ZBTB7C: variants seen among roughly 807,000 people sequenced by gnomAD.
The protein encoded by ZBTB7C is zinc finger and BTB domain containing 7C, also known as zinc finger and BTB domain-containing protein 7C.
In ZBTB7C, 8 loss-of-function variants were observed where a neutral mutation model predicts 25.7. The ratio of observed to expected loss-of-function variants is 0.31; its 90% CI spans 0.18 to 0.56. The LOEUF is 0.56. ZBTB7C is among the 20% of genes least tolerant of loss of function. The probability of loss-of-function intolerance (pLI) is 0.91; values close to 1 mark genes in which losing one functional copy is unlikely to be tolerated. For synonymous variants in ZBTB7C, 394 were observed against 369.0 expected (o/e 1.07, Z -0.78); for missense variants, 824 against 855.2 (o/e 0.96, Z 0.46).
At chr18:48,136,837 C>G (rs1211739699) in intron 3 of ZBTB7C, among the ~76,000 whole-genome samples, 1 of 152,188 alleles carries the variant, frequency 6.6e-6, no homozygotes, top group African/African-American at 2.4e-5. Flanking sequence ...AGAGCCGCCC[C>G]GCGGCCACCC....
chr18:48,273,560 G>T (rs2044553021), intron 2 of ZBTB7C, among the ~76,000 whole-genome samples: 1 of 152,056 alleles, frequency 6.6e-6, no homozygotes, highest in Non-Finnish European at 1.5e-5. Context: ...CTACATAATA[G>T]TTATTATATT....
intron 3 of ZBTB7C, among the ~76,000 whole-genome samples, chr18:48,107,659 G>T (rs750983645): frequency 1.3e-5 from 2 of 152,108 alleles, no homozygotes; most frequent in Non-Finnish European, 2.9e-5. Flanking sequence ...GGGCAGGGCC[G>T]GCCTCCTTGC....
At chr18:48,303,689 G>A (rs1411068946) in intron 2 of ZBTB7C, among the ~76,000 whole-genome samples, 1 of 152,194 alleles carries the variant, frequency 6.6e-6, no homozygotes, top group Admixed American at 6.5e-5. Context: ...CCAAGGATAA[G>A]CTCCACAACT....
intron 2 of ZBTB7C, among the ~76,000 whole-genome samples, chr18:48,297,139 G>A (rs1486785089): frequency 1.3e-5 from 2 of 152,108 alleles, no homozygotes; most frequent in African/African-American, 4.8e-5. Flanking sequence ...ACATATGCCC[G>A]CATGTTCTAG....
chr18:48,210,246 G>T, intron 2 of ZBTB7C, among the ~76,000 whole-genome samples: 1 of 152,150 alleles, frequency 6.6e-6, no homozygotes, highest in Admixed American at 6.5e-5. Context: ...AACCACTTTG[G>T]AAAACAGCCT....
intron 3 of ZBTB7C, among the ~76,000 whole-genome samples, chr18:48,139,770 A>G (rs992804940): frequency 6.6e-6 from 1 of 152,020 alleles, no homozygotes; most frequent in Non-Finnish European, 1.5e-5. Context: ...GTCTTAGTGA[A>G]GTGGGTGGGG....
chr18:48,219,670 G>A (rs1430131952), intron 2 of ZBTB7C, among the ~76,000 whole-genome samples: 1 of 152,240 alleles, frequency 6.6e-6, no homozygotes, highest in Non-Finnish European at 1.5e-5. Flanking sequence ...TGCAAAAAGA[G>A]TCACATGGTG....
intron 3 of ZBTB7C, among the ~76,000 whole-genome samples, chr18:48,052,290 G>C (rs2036719720): frequency 1.3e-5 from 2 of 152,164 alleles, no homozygotes; most frequent in African/African-American, 4.8e-5. Context: ...CTGCCCAAAG[G>C]GGCCATCTCC....
chr18:48,220,223 T>C (rs1325586403), intron 2 of ZBTB7C, among the ~76,000 whole-genome samples: 3 of 152,134 alleles, frequency 2.0e-5, no homozygotes, highest in Admixed American at 6.5e-5. Context: ...GTTTGGCCCA[T>C]AGTGCAGTTG....
intron 3 of ZBTB7C, among the ~76,000 whole-genome samples, chr18:48,065,827 T>C (rs999806608): frequency 2.0e-5 from 3 of 152,110 alleles, no homozygotes; most frequent in Admixed American, 2.0e-4. Flanking sequence ...GGAGAAGTGG[T>C]CTTATCAGAG....
intron 1 of ZBTB7C, among the ~76,000 whole-genome samples, chr18:48,401,754 G>C (rs953205132): frequency 6.6e-6 from 1 of 152,050 alleles, no homozygotes; most frequent in Non-Finnish European, 1.5e-5. Context: ...ACTCTGTGAG[G>C]CTCCACCCAT....
At chr18:48,280,411 A>G (rs1228265163) in intron 2 of ZBTB7C, among the ~76,000 whole-genome samples, 1 of 152,152 alleles carries the variant, frequency 6.6e-6, no homozygotes, top group Non-Finnish European at 1.5e-5. Flanking sequence ...CCCTGAAGGC[A>G]CTAACCTGCT....
intron 3 of ZBTB7C, among the ~76,000 whole-genome samples, chr18:48,173,973 C>T (rs915014633): frequency 2.6e-5 from 4 of 152,260 alleles, no homozygotes; most frequent in Admixed American, 1.3e-4. Flanking sequence ...TCATCCTCCA[C>T]CCCATCAACC....
intron 2 of ZBTB7C, among the ~76,000 whole-genome samples, chr18:48,229,951 C>T (rs965219189): frequency 3.3e-5 from 5 of 152,126 alleles, no homozygotes; most frequent in Non-Finnish European, 5.9e-5. Flanking sequence ...CAGGGGGCTG[C>T]CTGGGAGGCA....
At chr18:48,290,522 T>C (rs1375185828) in intron 2 of ZBTB7C, among the ~76,000 whole-genome samples, 1 of 152,228 alleles carries the variant, frequency 6.6e-6, no homozygotes, top group Non-Finnish European at 1.5e-5. Flanking sequence ...TAGACCCTAA[T>C]TATCCTGGGG....
chr18:48,185,072 C>T (rs181297848), intron 3 of ZBTB7C, among the ~76,000 whole-genome samples: 2 of 152,238 alleles, frequency 1.3e-5, no homozygotes, highest in East Asian at 1.9e-4. Context: ...CTGGACCATT[C>T]CTGAAGCCAT....
At chr18:48,258,601 T>C (rs966785591) in intron 2 of ZBTB7C, among the ~76,000 whole-genome samples, 3 of 152,190 alleles carry the variant, frequency 2.0e-5, no homozygotes, top group South Asian at 2.1e-4. Flanking sequence ...ATTATTGATA[T>C]GTCAATTATC....
At chr18:48,153,662 G>T (rs575451112) in intron 3 of ZBTB7C, among the ~76,000 whole-genome samples, 42 of 152,366 alleles carry the variant, frequency 2.8e-4, no homozygotes, top group African/African-American at 7.5e-4. Context: ...TCTTACAAAA[G>T]AGGGGCACTG....
intron 3 of ZBTB7C, among the ~76,000 whole-genome samples, chr18:48,085,758 T>C (rs377127206): frequency 6.6e-6 from 1 of 152,232 alleles, no homozygotes; most frequent in Non-Finnish European, 1.5e-5. Context: ...TTGGGCTCAC[T>C]GTAAGGAATG....
Sources: gnomAD v4.1 joint callset for allele counts (sites outside exome capture counted in the v4.1 genomes callset) on GRCh38, gnomAD v4.1.1 for gene constraint, MANE v1.5 for transcripts, NCBI Gene and HGNC (gene_info 2026-07-23, HGNC 2026-07-21) for gene names.